VIPR2: variants seen among roughly 807,000 people sequenced by gnomAD.
VIPR2 encodes vasoactive intestinal polypeptide receptor 2.
In VIPR2, 48 loss-of-function variants were observed where a neutral mutation model predicts 58.0. The ratio of observed to expected loss-of-function variants is 0.83; its 90% confidence interval spans 0.66 to 1.05. VIPR2 has a LOEUF of 1.05. Among genes scored for constraint, VIPR2 ranks in the 50% least tolerant of loss-of-function variants. VIPR2 has a pLI of 0.00. For synonymous variants in VIPR2, 243 were observed against 235.2 expected (o/e 1.03, Z -0.30); for missense variants, 534 against 558.0 (o/e 0.96, Z 0.43).
chr7:159,095,728 C>T lies in VIPR2; in HGVS notation c.357+8029G>A, dbSNP rs1040807868. Among the ~76,000 whole-genome samples the T allele has an allele frequency of 5.3e-5, 8 of 152,188 alleles. No homozygotes were observed. The highest frequency in any genetic ancestry group is 1.0e-4 in the Non-Finnish European group (7 of 68,028). On this transcript the variant is annotated intron_variant, in intron 4 of 12. Coordinates refer to ENST00000262178, the MANE Select transcript of VIPR2 (RefSeq NM_003382.5). The surrounding 1 kb of genome is among the most constrained non-coding windows in gnomAD (Gnocchi z 5.2). ...ACGGTGGTCTCCACGAGCCCCTGCT[C>T]CTGTCCAGGCTCCAAATCACATCGA...
intron 1 of VIPR2, among the ~76,000 whole-genome samples, chr7:159,143,104 G>A (rs983426830): frequency 1.3e-5 from 2 of 152,234 alleles, no homozygotes; most frequent in Non-Finnish European, 2.9e-5. Flanking sequence ...AGGCAGAGGT[G>A]GGGGAATCAC....
At chr7:159,061,900 A>C (rs1014943068) in intron 4 of VIPR2, among the ~76,000 whole-genome samples, 27 of 152,104 alleles carry the variant, frequency 1.8e-4, no homozygotes, top group African/African-American at 5.8e-4. Flanking sequence ...TAGCGGGAGA[A>C]GCCTGCCGCT....
chr7:159,119,075 G>C (rs1312961784), intron 2 of VIPR2, among the ~76,000 whole-genome samples: 1 of 152,206 alleles, frequency 6.6e-6, no homozygotes, highest in Middle Eastern at 3.2e-3. Flanking sequence ...TGTACCCAGG[G>C]CTGAGGCCCA....
At chr7:159,102,047 G>T (rs56204557) in intron 4 of VIPR2, among the ~76,000 whole-genome samples, 4 of 70,176 alleles carry the variant, frequency 5.7e-5, no homozygotes, top group Admixed American at 1.6e-4. Flanking sequence ...GATAGTGAAC[G>T]GGTCTCACGA....
At chr7:159,102,239 G>C (rs57991205) in intron 4 of VIPR2, among the ~76,000 whole-genome samples, 1 of 151,954 alleles carries the variant, frequency 6.6e-6, no homozygotes, top group South Asian at 2.1e-4. Flanking sequence ...AGGCGGTTCC[G>C]ACTGTTCCTG....
In VIPR2 at chr7:159,093,670, C is replaced by G. The variant is rs1410510228; in HGVS notation, c.357+10087G>C. On this transcript the variant is annotated intron_variant, in intron 4 of 12. Transcript: ENST00000262178. This position sits in a 1 kb window ranked among gnomAD's most constrained non-coding sequence, Gnocchi z 6.7. ...GTCCCTGGGTCCAGACATGGAAGAC[C>G]CCACAGCGTCCCTGGGTTCGGAGAT... is the stretch of plus-strand genomic sequence containing the variant. Among the ~76,000 whole-genome samples, 1 of 151,816 alleles carries G rather than the reference C, an allele frequency of 6.6e-6. No homozygotes were observed. Among genetic ancestry groups the G allele is most frequent in the Non-Finnish European group, 1.5e-5 (1 of 67,966 alleles).
intron 3 of VIPR2, among the ~76,000 whole-genome samples, 188 bp from the exon 4 acceptor site, chr7:159,104,042 AC>A (rs1314703417): frequency 1.3e-5 from 2 of 150,926 alleles, no homozygotes; most frequent in Admixed American, 6.6e-5. Context: ...ACAGCAGGTC[AC>A]CTCTCGGGGC....
At chr7:159,132,998 TTG>T (rs1797033658) in intron 2 of VIPR2, among the ~76,000 whole-genome samples, 1 of 130,686 alleles carries the variant, frequency 7.7e-6, no homozygotes, top group Non-Finnish European at 1.7e-5. Context: ...GACAGAATGA[TTG>T]GCATACAGAT....
chr7:159,135,817 C>T (rs969459328), intron 2 of VIPR2, among the ~76,000 whole-genome samples: 1 of 152,108 alleles, frequency 6.6e-6, no homozygotes, highest in Non-Finnish European at 1.5e-5. Flanking sequence ...AGTGAAACTC[C>T]ATCTCAGAAA....
intron 2 of VIPR2, among the ~76,000 whole-genome samples, chr7:159,122,301 G>A (rs764798076): frequency 6.6e-6 from 1 of 152,156 alleles, no homozygotes; most frequent in Non-Finnish European, 1.5e-5. Context: ...AAGGAACCCC[G>A]AGGTCATGCA....
Position 159,053,131 on chromosome 7 carries a change from T to C in VIPR2, c.455+5350A>G, listed in dbSNP as rs2129493809. The stretch of plus-strand genomic sequence containing the variant: ...TTTGTCTTTTTTTTTTCTTTTTCCT[T>C]CTAAGACAGGGTGTCTCACTCTGTC... On this transcript the variant is annotated intron_variant, in intron 5 of 12. Coordinates refer to ENST00000262178, the MANE Select transcript of VIPR2 (RefSeq NM_003382.5). 2.0e-5 allele frequency among the ~76,000 whole-genome samples: 3 copies of C among 152,230 alleles called. No individual in the cohort carries two copies. The South Asian group carries it at 6.2e-4, about 32-fold the overall frequency.
At chr7:159,054,730 C>T (rs370140694) in intron 5 of VIPR2, among the ~76,000 whole-genome samples, 2 of 152,096 alleles carry the variant, frequency 1.3e-5, no homozygotes, top group African/African-American at 4.8e-5. Context: ...ACACTGGTAA[C>T]CACTTTGGAA....
At chr7:159,129,231 C>G (rs1440527120) in intron 2 of VIPR2, among the ~76,000 whole-genome samples, 4 of 137,022 alleles carry the variant, frequency 2.9e-5, no homozygotes, top group Admixed American at 7.2e-5. Context: ...GGCCAGGTGA[C>G]CAGCTTCACA....
At chr7:159,071,019 C>T (rs545673732) in intron 4 of VIPR2, among the ~76,000 whole-genome samples, 2 of 152,298 alleles carry the variant, frequency 1.3e-5, no homozygotes, top group Admixed American at 6.5e-5. Context: ...GGCAAGAAAT[C>T]CTTCCTGTAG....
chr7:159,141,757 C>A (rs934678408), intron 2 of VIPR2, among the ~76,000 whole-genome samples: 16 of 152,220 alleles, frequency 1.1e-4, no homozygotes, highest in African/African-American at 3.9e-4. Context: ...AGGCCCTCTA[C>A]AGGACAACAG....
intron 5 of VIPR2, among the ~76,000 whole-genome samples, chr7:159,056,373 G>A (rs909569942): frequency 2.0e-5 from 3 of 152,154 alleles, no homozygotes; most frequent in African/African-American, 7.2e-5. Context: ...CTTCTGATCT[G>A]TGGTATCCAT....
At chr7:159,048,053 AT>A (rs1181813896) in intron 5 of VIPR2, among the ~76,000 whole-genome samples, 6 of 152,234 alleles carry the variant, frequency 3.9e-5, no homozygotes, top group Non-Finnish European at 8.8e-5. Flanking sequence ...ATAACTAATG[AT>A]TTAGCATTTT....
At chr7:159,058,165 C>T (rs900425692) in intron 5 of VIPR2, among the ~76,000 whole-genome samples, 2 of 152,218 alleles carry the variant, frequency 1.3e-5, no homozygotes, top group Non-Finnish European at 2.9e-5. Context: ...AGCCAAAACA[C>T]AGGAGCTTCT....
rs1282835008 is a variant in VIPR2, at chr7:159,037,028, T to C, written c.598-126A>G. Reference sequence around the variant, plus strand: ...TGCAAGGAAGGAGACACCGGTGCCATTGGGAAGGAAAGTGATTAACACAGA... The same window carrying C: ...TGCAAGGAAGGAGACACCGGTGCCACTGGGAAGGAAAGTGATTAACACAGA... On this transcript the variant is annotated intron_variant, in intron 6 of 12. Transcript: ENST00000262178. 24 of 1,183,022 alleles carry C rather than the reference T, an allele frequency of 2.0e-5. No homozygotes were observed. In the South Asian group the frequency reaches 3.4e-4, roughly 17 times the overall value. The allele number at this position is 1,183,022 out of a possible 1,614,324, so 73.3% of individuals were successfully genotyped here.
Sources: allele counts gnomAD v4.1 joint callset (sites outside exome capture counted in the v4.1 genomes callset), GRCh38; gene constraint gnomAD v4.1.1; non-coding constraint Gnocchi (gnomAD v3.1); transcripts MANE v1.5; gene names NCBI Gene and HGNC (gene_info 2026-07-23, HGNC 2026-07-21).